Variants in LMO7 observed in about 807,000 individuals in gnomAD.
LMO7 encodes the protein LIM domain only protein 7.
LMO7 carries 120 observed loss-of-function variants against 206.5 expected under a neutral mutation model. The ratio of observed to expected loss-of-function variants is 0.58; its 90% confidence interval spans 0.50 to 0.68. LMO7 has a LOEUF of 0.68. Ranked by LOEUF, LMO7 falls within the 30% of genes least tolerant of loss-of-function variation. The pLI, the probability that LMO7 is intolerant of heterozygous loss-of-function variation, is 0.00. For synonymous variants in LMO7, 706 were observed against 681.5 expected (o/e 1.04, Z -0.56); for missense variants, 1,959 against 1,957.9 (o/e 1.00, Z -0.01).
chr13:75,750,377 C>CTTTTTTTTTTT (rs34407423), intron 3 of LMO7, among the ~76,000 whole-genome samples: 1 of 93,380 alleles, frequency 1.1e-5, no homozygotes, highest in Non-Finnish European at 2.0e-5. Context: ...CTGGGGGATC[C>CTTTTTTTTTTT]TTTTTTTTTT....
At chr13:75,663,432 C>CTTTCTTTTTTTTTT (rs1555289857) in intron 1 of LMO7, among the ~76,000 whole-genome samples, 3 of 111,408 alleles carry the variant, frequency 2.7e-5, no homozygotes, top group Admixed American at 1.1e-4. Context: ...TTCTTTCTTT[C>CTTTCTTTTTTTTTT]TTTTTTTTTT....
chr13:75,787,948 A>C (rs77477510), intron 4 of LMO7, among the ~76,000 whole-genome samples: 1,716 of 152,288 alleles, frequency 0.011, 26 homozygotes, highest in African/African-American at 0.038. Context: ...TAGTGATGAG[A>C]GAATGGTGAT....
At chr13:75,680,813 A>G (rs952223506) in intron 1 of LMO7, among the ~76,000 whole-genome samples, 8 of 152,048 alleles carry the variant, frequency 5.3e-5, no homozygotes, top group Admixed American at 3.9e-4. Context: ...GAGTGAGAAC[A>G]TACGGTGTTA....
upstream of LMO7, among the ~76,000 whole-genome samples, chr13:75,635,407 C>T (rs1479117528): frequency 1.3e-5 from 2 of 152,110 alleles, no homozygotes; most frequent in African/African-American, 2.4e-5. Context: ...AAAAGACCCG[C>T]GCAAGCCGAC....
intron 5 of LMO7, 21 bp downstream of exon 5, chr13:75,795,452 T>C: frequency 6.4e-7 from 1 of 1,557,538 alleles, no homozygotes; most frequent in African/African-American, 1.4e-5. Context: ...TTTACCTTAA[T>C]GGAGCATTAT....
At chr13:75,638,528 A>G (rs1250729629) in intron 1 of LMO7, among the ~76,000 whole-genome samples, 1 of 152,192 alleles carries the variant, frequency 6.6e-6, no homozygotes, top group East Asian at 1.9e-4. Flanking sequence ...GGATCTTCCT[A>G]AAGGTACTGT....
chr13:75,744,571 G>T (rs2046679621), intron 3 of LMO7, among the ~76,000 whole-genome samples: 1 of 152,176 alleles, frequency 6.6e-6, no homozygotes, highest in Non-Finnish European at 1.5e-5. Context: ...GGTACCTTTT[G>T]TTACGTAGAA....
intron 18 of LMO7, among the ~76,000 whole-genome samples, chr13:75,836,151 T>A (rs945261316): frequency 2.0e-5 from 3 of 152,178 alleles, no homozygotes; most frequent in Non-Finnish European, 4.4e-5. Context: ...TTTTATTTCT[T>A]GGAAAATTAA....
intron 2 of LMO7, among the ~76,000 whole-genome samples, chr13:75,715,349 A>T (rs1415454852): frequency 6.6e-6 from 1 of 152,264 alleles, no homozygotes; most frequent in Non-Finnish European, 1.5e-5. Context: ...CTTAATGGCA[A>T]CAGCAAACAT....
At chr13:75,725,695 T>C (rs2031243) in intron 2 of LMO7, among the ~76,000 whole-genome samples, 26 of 152,122 alleles carry the variant, frequency 1.7e-4, no homozygotes, top group Non-Finnish European at 3.4e-4. Context: ...AAATCAGAAA[T>C]TAGGTATCAT....
chr13:75,742,971 G>A (rs1006379597), intron 3 of LMO7, among the ~76,000 whole-genome samples: 1 of 152,032 alleles, frequency 6.6e-6, no homozygotes, highest in Non-Finnish European at 1.5e-5. Flanking sequence ...TGCAAACTAT[G>A]CATCTGACAA....
At chr13:75,663,677 G>A (rs536506991) in intron 1 of LMO7, among the ~76,000 whole-genome samples, 5 of 152,042 alleles carry the variant, frequency 3.3e-5, no homozygotes, top group East Asian at 1.9e-4. Context: ...TGATCCACCC[G>A]CCTCGGCCTC....
chr13:75,777,579 T>C (rs2050679499), intron 4 of LMO7, among the ~76,000 whole-genome samples: 1 of 152,174 alleles, frequency 6.6e-6, no homozygotes, highest in Admixed American at 6.5e-5. Context: ...TAAATTCATG[T>C]TCATTTAATG....
intron 22 of LMO7, among the ~76,000 whole-genome samples, 167 bp from the exon 23 acceptor site, chr13:75,840,942 T>A (rs568701834): frequency 2.0e-5 from 3 of 152,332 alleles, no homozygotes; most frequent in South Asian, 4.1e-4. Context: ...ATTCAATATA[T>A]GCTCTTTTCT....
At chr13:75,802,855 A>G (rs1212031612) in intron 7 of LMO7, among the ~76,000 whole-genome samples, 2 of 152,188 alleles carry the variant, frequency 1.3e-5, no homozygotes, top group Non-Finnish European at 2.9e-5. Flanking sequence ...ATGTAGGGTA[A>G]TATTTTTAGG....
chr13:75,833,454 C>T (rs375839501), intron 16 of LMO7, among the ~76,000 whole-genome samples: 4 of 152,198 alleles, frequency 2.6e-5, no homozygotes, highest in East Asian at 1.9e-4. Flanking sequence ...TAACAAACGG[C>T]GCTTAAGTAA....
chr13:75,623,332 C>G (rs1218913126), intron 2 of LMO7: 6 of 1,345,108 alleles, frequency 4.5e-6, no homozygotes, highest in Non-Finnish European at 6.4e-6. Context: ...TAATATTTTT[C>G]TGTATTTTCT....
intron 15 of LMO7, among the ~76,000 whole-genome samples, chr13:75,829,470 G>T (rs952419597): frequency 2.0e-5 from 3 of 151,948 alleles, no homozygotes; most frequent in African/African-American, 4.8e-5. Flanking sequence ...AGATTTGAGG[G>T]CTACTCACTT....
At chr13:75,728,075 G>T (rs975556725) in intron 3 of LMO7, among the ~76,000 whole-genome samples, 1 of 151,874 alleles carries the variant, frequency 6.6e-6, no homozygotes, top group Non-Finnish European at 1.5e-5. Flanking sequence ...GAATAGTGCC[G>T]CAATAAACAC....
Sources: allele counts gnomAD v4.1 joint callset (sites outside exome capture counted in the v4.1 genomes callset), GRCh38; gene constraint gnomAD v4.1.1; transcripts MANE v1.5; gene names NCBI Gene and HGNC (gene_info 2026-07-23, HGNC 2026-07-21).